IGLL5: variants seen among roughly 807,000 people sequenced by gnomAD.
IGLL5 encodes the protein immunoglobulin lambda like polypeptide 5, also known as immunoglobulin lambda-like polypeptide 5.
IGLL5 carries 30 observed loss-of-function variants against 20.9 expected under a neutral mutation model. That is an observed-to-expected ratio of 1.44 (90% CI 1.07 to 1.95). The LOEUF (loss-of-function observed/expected upper bound fraction) is 1.95. Among genes scored for constraint, IGLL5 ranks in the 30% most tolerant of loss-of-function variants. IGLL5 has a pLI of 0.00. For synonymous variants in IGLL5, 203 were observed against 117.3 expected (o/e 1.73, Z -4.72); for missense variants, 475 against 270.7 (o/e 1.75, Z -5.30).
Position 22,887,921 on chromosome 22 carries a change from G to A in IGLL5, c.-133G>A, listed in dbSNP as rs2145974306. ...GGGCTAGGGACAGGGACCAGAGCCAGTCCAGGGAGAGGACAGAGCCAATGG... is the reference window on the plus strand; with the variant it reads ...GGGCTAGGGACAGGGACCAGAGCCAATCCAGGGAGAGGACAGAGCCAATGG... On this transcript the variant is annotated 5_prime_UTR_variant, in exon 1 of 3. Coordinates refer to ENST00000526893, the MANE Select transcript of IGLL5 (RefSeq NM_001178126.2). The A allele has an allele frequency of 3.9e-6, 3 of 772,718 alleles. No individual in the cohort carries two copies. Among genetic ancestry groups the A allele is most frequent in the African/African-American group, 1.7e-5 (1 of 58,204 alleles). 47.9% of individuals were successfully genotyped at this position (772,718 alleles called of 1,614,324 possible).
At chr22:22,888,584 A>AG (rs144981932) in intron 1 of IGLL5, among the ~76,000 whole-genome samples, 1 of 151,182 alleles carries the variant, frequency 6.6e-6, no homozygotes, top group Admixed American at 6.6e-5. Flanking sequence ...GGACATCCAC[A>AG]GGGGGTGGTG....
intron 1 of IGLL5, among the ~76,000 whole-genome samples, chr22:22,888,947 G>C (rs565169656): frequency 5.3e-5 from 8 of 151,342 alleles, no homozygotes; most frequent in South Asian, 2.1e-4. Context: ...AAAAGACAGA[G>C]CAGCGTCAGA....
intron 1 of IGLL5, 27 bp from the exon 2 acceptor site, chr22:22,893,673 C>T (rs1176602757): frequency 6.7e-7 from 1 of 1,501,166 alleles, no homozygotes; most frequent in South Asian, 1.2e-5. Flanking sequence ...CCGCCCACTG[C>T]AACCCTGTGC....
At position 22,887,899 on chromosome 22, in the gene IGLL5, C is replaced by A. The variant is rs184085787; in HGVS notation, c.-155C>A. 6.0e-5 allele frequency: 42 copies of A among 700,580 alleles called. No individual in the cohort carries two copies. In the East Asian group the frequency reaches 1.1e-3, roughly 19 times the overall value. The allele number at this position is 700,580 out of a possible 1,614,324, so 43.4% of individuals were successfully genotyped here. A position where few individuals can be genotyped will look rare whatever the true frequency, so the allele number is the denominator to read the frequency against. ...GCCATGGACCCTGGAAGGGCCTGGG[C>A]TAGGGACAGGGACCAGAGCCAGTCC... is the stretch of plus-strand genomic sequence containing the variant. On this transcript the variant is annotated 5_prime_UTR_variant, in exon 1 of 3. Transcript: ENST00000526893.
rs551309597 is a variant in IGLL5 at position 22,887,975 on chromosome 22, G to A, written c.-79G>A. The A allele has an allele frequency of 9.6e-6, 11 of 1,147,186 alleles. No homozygotes were observed. The highest frequency in any genetic ancestry group is 2.1e-4 in the Middle Eastern group (1 of 4,814). The allele number at this position is 1,147,186 out of a possible 1,614,324, so 71.1% of individuals were successfully genotyped here. ...GGGGTGTACTGTAACAGCCCTGCTGGCGAGAGGGACCAGGGCACCGTCCTC... is the reference window on the plus strand; with the variant it reads ...GGGGTGTACTGTAACAGCCCTGCTGACGAGAGGGACCAGGGCACCGTCCTC... On this transcript the variant is annotated 5_prime_UTR_variant, in exon 1 of 3. Transcript: ENST00000526893.
At chr22:22,888,750 T>TA in intron 1 of IGLL5, among the ~76,000 whole-genome samples, 2 of 151,280 alleles carry the variant, frequency 1.3e-5, no homozygotes, top group African/African-American at 2.4e-5. Context: ...AACTTGCACA[T>TA]AAATGCTTAC....
intron 1 of IGLL5, among the ~76,000 whole-genome samples, chr22:22,888,900 A>T (rs1601604864): frequency 1.3e-5 from 2 of 151,406 alleles, no homozygotes; most frequent in East Asian, 2.0e-4. Context: ...GGCTGGTCTC[A>T]CAGATCGAGG....
chr22:22,890,100 T>A, intron 1 of IGLL5, among the ~76,000 whole-genome samples: 1 of 150,780 alleles, frequency 6.6e-6, no homozygotes, highest in South Asian at 2.1e-4. Flanking sequence ...TCATGTGCAT[T>A]ACTCTTTTTG....
intron 1 of IGLL5, among the ~76,000 whole-genome samples, chr22:22,890,552 T>TG (rs1329271744): frequency 7.3e-5 from 8 of 110,292 alleles, no homozygotes; most frequent in African/African-American, 2.7e-4. Flanking sequence ...GCAGTGGAAA[T>TG]TTGTGTGTGT....
chr22:22,894,363 T>C (rs2068021847), intron 2 of IGLL5, among the ~76,000 whole-genome samples: 3 of 151,390 alleles, frequency 2.0e-5, no homozygotes, highest in East Asian at 2.0e-4. Context: ...GGGTCTAGGC[T>C]GCAGCTCTGT....
intron 1 of IGLL5, among the ~76,000 whole-genome samples, chr22:22,889,075 G>T (rs2067682960): frequency 6.6e-6 from 1 of 151,352 alleles, no homozygotes; most frequent in African/African-American, 2.4e-5. Flanking sequence ...ATGGATTTAG[G>T]TAGATTGATT....
intron 1 of IGLL5, among the ~76,000 whole-genome samples, chr22:22,892,001 C>A (rs2067863083): frequency 6.6e-6 from 1 of 151,102 alleles, no homozygotes; most frequent in African/African-American, 2.4e-5. Context: ...CTCCTTCTCT[C>A]CCCCTTTTAT....
chr22:22,888,554 A>G (rs569005730), intron 1 of IGLL5, among the ~76,000 whole-genome samples: 6 of 151,336 alleles, frequency 4.0e-5, no homozygotes, highest in East Asian at 2.0e-4. Flanking sequence ...CTGGGTAGGG[A>G]AGGAACAGAG....
chr22:22,894,711 A>C (rs2066686314), intron 2 of IGLL5, among the ~76,000 whole-genome samples: 1 of 151,218 alleles, frequency 6.6e-6, no homozygotes, highest in Admixed American at 6.6e-5. Context: ...AGTCTGTGGG[A>C]GCAGCCCCAG....
intron 1 of IGLL5, among the ~76,000 whole-genome samples, chr22:22,889,306 G>C (rs552926439): frequency 2.0e-5 from 3 of 151,116 alleles, no homozygotes; most frequent in Admixed American, 6.6e-5. Context: ...TGAGGGCTGA[G>C]CAGAGGGGAG....
Position 22,890,595 on chromosome 22 carries a change from GTGTGTA to G in IGLL5, c.206+2343_206+2348del, listed in dbSNP as rs1198293882. 2.9e-3 allele frequency among the ~76,000 whole-genome samples: 391 copies of G among 136,720 alleles called. 4 individuals are homozygous for G. Among genetic ancestry groups the G allele is most frequent in the African/African-American group, 0.011 (354 of 32,502 alleles). 89.7% of individuals were successfully genotyped at this position (136,720 alleles called of 152,430 possible). ...TGTGTGTGTGTGTGTGTGTGTGTGT[GTGTGTA>G]TGTGTACAAAGTGCACTTATATATC... On this transcript the variant is annotated intron_variant, in intron 1 of 2. Transcript: ENST00000526893.
chr22:22,894,499 C>T (rs577656689), intron 2 of IGLL5, among the ~76,000 whole-genome samples: 2 of 151,518 alleles, frequency 1.3e-5, no homozygotes, highest in African/African-American at 4.8e-5. Context: ...AGAGATGTGT[C>T]TGTCCCTGGA....
intron 1 of IGLL5, among the ~76,000 whole-genome samples, chr22:22,889,999 T>C (rs1468468999): frequency 6.6e-6 from 1 of 151,228 alleles, no homozygotes; most frequent in East Asian, 2.0e-4. Flanking sequence ...CACCTAATTT[T>C]AATGTGGCTT....
At chr22:22,894,005 G>C (rs895144016) in intron 2 of IGLL5, among the ~76,000 whole-genome samples, 187 bp downstream of exon 2, 5 of 149,882 alleles carry the variant, frequency 3.3e-5, no homozygotes, top group South Asian at 2.2e-4. Context: ...CTCCACAGTG[G>C]GAGCAGCCGG....
Sources: allele counts gnomAD v4.1 joint callset (sites outside exome capture counted in the v4.1 genomes callset), GRCh38; gene constraint gnomAD v4.1.1; transcripts MANE v1.5; gene names NCBI Gene and HGNC (gene_info 2026-07-23, HGNC 2026-07-21).